Variants in UVRAG observed in about 807,000 individuals in gnomAD.
UVRAG encodes the protein UV radiation resistance-associated gene protein.
Under a neutral mutation model 78.0 loss-of-function variants are expected in UVRAG, and 19 were observed. The observed-to-expected ratio is 0.24, with a 90% CI of 0.17 to 0.36. The LOEUF is 0.36. Among genes scored for constraint, UVRAG ranks in the 10% least tolerant of loss-of-function variants. UVRAG has a pLI of 1.00. For missense variants in UVRAG, 740 were observed against 853.8 expected (o/e 0.87, Z 1.66); for synonymous variants, 323 against 324.6 (o/e 1.00, Z 0.05).
intron 13 of UVRAG, among the ~76,000 whole-genome samples, 166 bp downstream of exon 13, chr11:76,065,954 C>T (rs1408861174): frequency 2.6e-5 from 4 of 152,104 alleles, no homozygotes; most frequent in African/African-American, 7.2e-5. Flanking sequence ...TTTTCCGTGC[C>T]CTTAAAATGA....
intron 3 of UVRAG, among the ~76,000 whole-genome samples, chr11:75,863,131 GTC>G (rs1463742132): frequency 2.6e-5 from 4 of 152,140 alleles, no homozygotes; most frequent in African/African-American, 7.2e-5. Context: ...TCTTTGAAAT[GTC>G]TCTAAAATAT....
chr11:75,925,392 T>C (rs1293467464), intron 6 of UVRAG, among the ~76,000 whole-genome samples: 2 of 152,240 alleles, frequency 1.3e-5, no homozygotes, highest in African/African-American at 2.4e-5. Flanking sequence ...TAACTTTTGT[T>C]CTAAAAGTGG....
intron 12 of UVRAG, among the ~76,000 whole-genome samples, chr11:76,033,447 T>C (rs1432824174): frequency 6.6e-6 from 1 of 152,088 alleles, no homozygotes; most frequent in African/African-American, 2.4e-5. Context: ...GACTCATAAG[T>C]TTTTAGAATT....
At chr11:76,022,432 TTCTG>T in intron 12 of UVRAG, among the ~76,000 whole-genome samples, 1 of 152,282 alleles carries the variant, frequency 6.6e-6, no homozygotes, top group African/African-American at 2.4e-5. Context: ...CTCCTTTCAA[TTCTG>T]TCAACATTTG....
intron 7 of UVRAG, among the ~76,000 whole-genome samples, chr11:75,965,558 G>C (rs1949004931): frequency 6.6e-6 from 1 of 152,116 alleles, no homozygotes; most frequent in Non-Finnish European, 1.5e-5. Flanking sequence ...CTCGTGGTCT[G>C]CCCGCCTTGG....
At chr11:76,022,440 A>G (rs1950261993) in intron 12 of UVRAG, among the ~76,000 whole-genome samples, 1 of 151,708 alleles carries the variant, frequency 6.6e-6, no homozygotes. Context: ...AATTCTGTCA[A>G]CATTTGCTTC....
At chr11:75,927,259 G>A (rs1325835463) in intron 6 of UVRAG, among the ~76,000 whole-genome samples, 3 of 151,984 alleles carry the variant, frequency 2.0e-5, no homozygotes, top group Admixed American at 6.6e-5. Flanking sequence ...TAGTAGAGCT[G>A]GAGTTTTGCG....
intron 1 of UVRAG, among the ~76,000 whole-genome samples, chr11:75,832,564 C>A (rs1342294860): frequency 2.0e-5 from 3 of 152,168 alleles, no homozygotes; most frequent in African/African-American, 7.2e-5. Flanking sequence ...CCTAGCACTT[C>A]AATGTATCCA....
At chr11:75,854,821 G>A (rs967881698) in intron 2 of UVRAG, among the ~76,000 whole-genome samples, 13 of 152,154 alleles carry the variant, frequency 8.5e-5, no homozygotes, top group Non-Finnish European at 1.8e-4. Context: ...AAGGGTTTAA[G>A]CATTTTTGTA....
intron 3 of UVRAG, among the ~76,000 whole-genome samples, chr11:75,865,425 A>G (rs1946516544): frequency 6.6e-6 from 1 of 152,138 alleles, no homozygotes; most frequent in Non-Finnish European, 1.5e-5. Flanking sequence ...ACTTTCTGCA[A>G]TGATGGTAAT....
intron 12 of UVRAG, among the ~76,000 whole-genome samples, chr11:76,047,355 G>A (rs1174614428): frequency 1.3e-5 from 2 of 152,202 alleles, no homozygotes; most frequent in African/African-American, 4.8e-5. Context: ...GTCTGGTGGA[G>A]CTGTGGGAGG....
At chr11:75,952,434 G>A (rs1343944325) in intron 6 of UVRAG, among the ~76,000 whole-genome samples, 1 of 150,878 alleles carries the variant, frequency 6.6e-6, no homozygotes, top group Non-Finnish European at 1.5e-5. Flanking sequence ...TTTCCTCCTA[G>A]TTTGTTGAGG....
chr11:75,931,490 C>G (rs1021669576), intron 6 of UVRAG, among the ~76,000 whole-genome samples: 63 of 152,178 alleles, frequency 4.1e-4, no homozygotes, highest in African/African-American at 1.4e-3. Context: ...AACTTAGCCC[C>G]CAATTGCACC....
At chr11:76,010,012 G>T (rs1251508075) in intron 11 of UVRAG, among the ~76,000 whole-genome samples, 2 of 152,150 alleles carry the variant, frequency 1.3e-5, no homozygotes, top group Admixed American at 1.3e-4. Context: ...TGACTTGCTT[G>T]AGGCCACAAA....
intron 1 of UVRAG, among the ~76,000 whole-genome samples, chr11:75,838,484 T>G (rs1367505818): frequency 6.6e-6 from 1 of 151,950 alleles, no homozygotes; most frequent in Non-Finnish European, 1.5e-5. Flanking sequence ...TCTACAGGCA[T>G]GCACCACCAC....
intron 6 of UVRAG, among the ~76,000 whole-genome samples, chr11:75,944,378 G>A (rs1948547768): frequency 1.3e-5 from 2 of 152,130 alleles, no homozygotes; most frequent in South Asian, 4.1e-4. Flanking sequence ...GGATAGCTTT[G>A]GGAGCAAGAT....
At chr11:75,855,908 A>G (rs1482862106) in intron 2 of UVRAG, among the ~76,000 whole-genome samples, 4 of 152,234 alleles carry the variant, frequency 2.6e-5, no homozygotes. Flanking sequence ...ACTAGTTATT[A>G]TATCCCCAGA....
chr11:75,951,306 ATTCT>A (rs1948693098), intron 6 of UVRAG, among the ~76,000 whole-genome samples: 3 of 149,570 alleles, frequency 2.0e-5, no homozygotes, highest in African/African-American at 7.4e-5. Context: ...TGTATGAATG[ATTCT>A]TTCTATAATC....
At chr11:75,947,989 A>G (rs942744716) in intron 6 of UVRAG, among the ~76,000 whole-genome samples, 4 of 152,184 alleles carry the variant, frequency 2.6e-5, no homozygotes, top group South Asian at 2.1e-4. Context: ...TATTAATACT[A>G]TTGTGCCTGA....
Sources: gnomAD v4.1 joint callset for allele counts (sites outside exome capture counted in the v4.1 genomes callset) on GRCh38, gnomAD v4.1.1 for gene constraint, MANE v1.5 for transcripts, NCBI Gene and HGNC (gene_info 2026-07-23, HGNC 2026-07-21) for gene names.